The following USP42 variants were observed in gnomAD, a reference collection of about 807,000 sequenced individuals.
USP42 encodes ubiquitin carboxyl-terminal hydrolase 42.
A neutral mutation model predicts 113.0 loss-of-function variants in USP42; 23 were observed. The observed-to-expected ratio is 0.20, with a 90% CI of 0.15 to 0.29. The LOEUF (loss-of-function observed/expected upper bound fraction) is 0.29. USP42 is among the 10% of genes least tolerant of loss of function. USP42 has a pLI of 1.00. For synonymous variants in USP42, 933 were observed against 699.0 expected (o/e 1.33, Z -5.28); for missense variants, 2,174 against 1,779.8 (o/e 1.22, Z -3.99).
At chr7:6,100,612 G>C (rs995371847), upstream of USP42, among the ~76,000 whole-genome samples, 1 of 150,456 alleles carries the variant, frequency 6.6e-6, no homozygotes, top group Non-Finnish European at 1.5e-5. Flanking sequence ...TTACAGGCGG[G>C]AGCCACTGTG....
the USP42 span, among the ~76,000 whole-genome samples, chr7:6,092,399 G>T: frequency 6.6e-6 from 1 of 150,440 alleles, no homozygotes; most frequent in Non-Finnish European, 1.5e-5. Context: ...GGCTGGTCTT[G>T]AACTCCTGAC....
chr7:6,134,548 A>G (rs1781024569), intron 3 of USP42, among the ~76,000 whole-genome samples: 1 of 152,202 alleles, frequency 6.6e-6, no homozygotes, highest in African/African-American at 2.4e-5. Context: ...GCAGCTCCTC[A>G]GCCTCGGTGC....
At chr7:6,144,978 T>C (rs572819702) in intron 9 of USP42, among the ~76,000 whole-genome samples, 1 of 152,292 alleles carries the variant, frequency 6.6e-6, no homozygotes, top group African/African-American at 2.4e-5. Context: ...AAATAATAAA[T>C]GCAGCAGGAT....
intron 4 of USP42, among the ~76,000 whole-genome samples, chr7:6,137,421 C>T (rs1033674542): frequency 2.6e-5 from 4 of 152,302 alleles, no homozygotes; most frequent in East Asian, 1.9e-4. Context: ...TGCAGTGGCA[C>T]GATCTTGGCT....
intron 8 of USP42, among the ~76,000 whole-genome samples, chr7:6,143,774 G>A (rs2128508005): frequency 6.6e-6 from 1 of 152,174 alleles, no homozygotes; most frequent in Non-Finnish European, 1.5e-5. Context: ...GTCTGAACAT[G>A]TTCGTTTTTC....
At chr7:6,140,021 G>T (rs527435775) in intron 5 of USP42, 107 bp from the exon 6 acceptor site, 3 of 1,058,554 alleles carry the variant, frequency 2.8e-6, no homozygotes, top group East Asian at 4.7e-5. Flanking sequence ...TGGCTGTCCT[G>T]TTTGAATTCT....
intron 3 of USP42, among the ~76,000 whole-genome samples, chr7:6,118,159 C>G (rs554141651): frequency 4.0e-5 from 6 of 151,644 alleles, no homozygotes; most frequent in African/African-American, 1.5e-4. Flanking sequence ...TTTGGGAGAA[C>G]GAGGCAGGTA....
chr7:6,130,322 C>T (rs1332671056), intron 3 of USP42, among the ~76,000 whole-genome samples: 1 of 152,216 alleles, frequency 6.6e-6, no homozygotes, highest in Non-Finnish European at 1.5e-5. Context: ...ATCGTTGTCC[C>T]TGCTGGGTGG....
At chr7:6,153,198 A>G (rs781032418) in intron 14 of USP42, among the ~76,000 whole-genome samples, 13 of 152,014 alleles carry the variant, frequency 8.6e-5, no homozygotes, top group Non-Finnish European at 1.3e-4. Context: ...GCTTGCACCC[A>G]GGAGATGGAG....
intron 2 of USP42, among the ~76,000 whole-genome samples, chr7:6,112,235 G>A (rs1459006763): frequency 6.6e-6 from 1 of 152,102 alleles, no homozygotes; most frequent in Non-Finnish European, 1.5e-5. Flanking sequence ...GATCACCTGA[G>A]GTCAGGAGTT....
the USP42 span, among the ~76,000 whole-genome samples, chr7:6,099,120 T>TTA: frequency 2.7e-5 from 4 of 149,938 alleles, no homozygotes; most frequent in East Asian, 7.7e-4. Context: ...TGCCCTCTGA[T>TTA]TATAGATGAC....
At position 6,157,859 on chromosome 7, in the gene USP42, CTG is replaced by C. The variant is rs1167213911; in HGVS notation, c.3943+808_3943+809del. On this transcript the variant is annotated intron_variant, in intron 16 of 17. Coordinates refer to ENST00000306177, the MANE Select transcript of USP42 (RefSeq NM_032172.3). This position sits in a 1 kb window ranked among gnomAD's most constrained non-coding sequence, Gnocchi z 4.1. ...CTGGATTCTCTTCTGCCCTGTGGGGCTGTGTCTCCGTCCTGTGGCCACACGCT... is the reference window on the plus strand; with the variant it reads ...CTGGATTCTCTTCTGCCCTGTGGGGCTGTCTCCGTCCTGTGGCCACACGCT... Among the ~76,000 whole-genome samples the C allele has an allele frequency of 6.6e-6, 1 of 152,182 alleles. No individual in the cohort carries two copies. The highest frequency in any genetic ancestry group is 2.4e-5 in the African/African-American group (1 of 41,446).
rs758188911 is a variant in USP42 at position 6,159,904 on chromosome 7, CCT to C, written c.*36+412_*36+413del. On this transcript the variant is annotated intron_variant, in intron 17 of 17. Coordinates refer to ENST00000306177, the MANE Select transcript of USP42 (RefSeq NM_032172.3). The surrounding 1 kb of genome is among the most constrained non-coding windows in gnomAD (Gnocchi z 4.1). ...CCTTGCTCCCTCGTCCGTCCCGTCCCCTGTGCTGCTGTCTGCGCCCCGAGGTG... is the reference window on the plus strand; with the variant it reads ...CCTTGCTCCCTCGTCCGTCCCGTCCCGTGCTGCTGTCTGCGCCCCGAGGTG... Among the ~76,000 whole-genome samples, 12 of 152,352 alleles carry C rather than the reference CCT, an allele frequency of 7.9e-5. No individual in the cohort carries two copies. The highest frequency in any genetic ancestry group is 1.9e-4 in the East Asian group (1 of 5,182).
intron 1 of USP42, among the ~76,000 whole-genome samples, chr7:6,109,074 A>T (rs1193573246): frequency 1.3e-5 from 2 of 152,186 alleles, no homozygotes; most frequent in Non-Finnish European, 2.9e-5. Context: ...GGGGGCCTTG[A>T]GGAGGGGTTT....
At chr7:6,097,370 T>C in the USP42 span, among the ~76,000 whole-genome samples, 1 of 148,980 alleles carries the variant, frequency 6.7e-6, no homozygotes, top group Non-Finnish European at 1.5e-5. Flanking sequence ...CATCTAAAAT[T>C]AGGTCCCTGT....
At chr7:6,133,081 T>TA (rs1451650680) in intron 3 of USP42, among the ~76,000 whole-genome samples, 1 of 152,220 alleles carries the variant, frequency 6.6e-6, no homozygotes, top group Non-Finnish European at 1.5e-5. Flanking sequence ...TTGAGGTTCT[T>TA]AGATCTGTAC....
At chr7:6,097,094 C>T in the USP42 span, among the ~76,000 whole-genome samples, 15 of 150,776 alleles carry the variant, frequency 9.9e-5, 1 homozygote, top group East Asian at 1.9e-4. Context: ...TTAGTAGAGA[C>T]GGGCTGCTAT....
chr7:6,147,901 C>T lies in USP42; in HGVS notation c.1386+9C>T. 1.9e-6 allele frequency: 3 copies of T among 1,574,270 alleles called. No individual in the cohort carries two copies. The highest frequency in any genetic ancestry group is 2.6e-6 in the Non-Finnish European group (3 of 1,156,356). ...CCTCTCACATGATAAAGGTAACAGT[C>T]CTTAGGGAGAAGAACATTTTTATGT... On this transcript the variant is annotated intron_variant, in intron 12 of 17. Coordinates refer to ENST00000306177, the MANE Select transcript of USP42 (RefSeq NM_032172.3).
In USP42 at chr7:6,159,369, C is replaced by T. The variant is rs937942861; in HGVS notation, c.3944-81C>T. The T allele has an allele frequency of 1.3e-5, 21 of 1,591,056 alleles. No homozygotes were observed. The highest frequency in any genetic ancestry group is 2.7e-5 in the African/African-American group (2 of 74,256). On this transcript the variant is annotated intron_variant, in intron 16 of 17. Coordinates refer to ENST00000306177, the MANE Select transcript of USP42 (RefSeq NM_032172.3). The surrounding 1 kb of genome is among the most constrained non-coding windows in gnomAD (Gnocchi z 4.1). ...GAACCGCAGTGACTCTGACCATAGCCACTTAACGCACACACACAGCAGAGG... is the reference window on the plus strand; with the variant it reads ...GAACCGCAGTGACTCTGACCATAGCTACTTAACGCACACACACAGCAGAGG...
Sources: gnomAD v4.1 joint callset for allele counts (sites outside exome capture counted in the v4.1 genomes callset) on GRCh38, gnomAD v4.1.1 for gene constraint, Gnocchi (gnomAD v3.1) non-coding constraint, MANE v1.5 for transcripts, NCBI Gene and HGNC (gene_info 2026-07-23, HGNC 2026-07-21) for gene names.